Variants in NKAIN2 observed in about 807,000 individuals in gnomAD.
NKAIN2 encodes the protein sodium/potassium transporting ATPase interacting 2.
NKAIN2 carries 14 observed loss-of-function variants against 32.6 expected under a neutral mutation model. The ratio of observed to expected loss-of-function variants is 0.43; its 90% CI spans 0.28 to 0.67. NKAIN2 has a LOEUF of 0.67. Among genes scored for constraint, NKAIN2 ranks in the 30% least tolerant of loss-of-function variants. NKAIN2 has a pLI of 0.17. For missense variants in NKAIN2, 198 were observed against 258.3 expected (o/e 0.77, Z 1.60); for synonymous variants, 80 against 87.2 (o/e 0.92, Z 0.46).
intron 3 of NKAIN2, among the ~76,000 whole-genome samples, chr6:124,565,147 G>C (rs1055753859): frequency 6.6e-6 from 1 of 152,124 alleles, no homozygotes; most frequent in Non-Finnish European, 1.5e-5. Flanking sequence ...CAGGGCAATA[G>C]AGGTATCATA....
intron 4 of NKAIN2, among the ~76,000 whole-genome samples, chr6:124,759,588 A>AACACACACACACAC (rs542448143): frequency 9.5e-5 from 8 of 84,492 alleles, no homozygotes; most frequent in African/African-American, 3.7e-4. Context: ...CTGAAATTGC[A>AACACACACACACAC]ACACACACAC....
chr6:123,981,792 C>T (rs1778910298), intron 1 of NKAIN2, among the ~76,000 whole-genome samples: 1 of 152,046 alleles, frequency 6.6e-6, no homozygotes. Flanking sequence ...CCATGATTTT[C>T]TTGAGATGTG....
At chr6:124,335,002 A>G (rs1245828537) in intron 2 of NKAIN2, among the ~76,000 whole-genome samples, 2 of 152,182 alleles carry the variant, frequency 1.3e-5, no homozygotes, top group Non-Finnish European at 2.9e-5. Flanking sequence ...GTTTCACTGA[A>G]AATTCACTAG....
intron 1 of NKAIN2, among the ~76,000 whole-genome samples, chr6:123,974,609 T>A (rs1294239127): frequency 6.6e-6 from 1 of 152,148 alleles, no homozygotes; most frequent in African/African-American, 2.4e-5. Context: ...TTGAGTGTTC[T>A]GCTTGTGCGG....
intron 3 of NKAIN2, among the ~76,000 whole-genome samples, chr6:124,547,437 T>G (rs1270224983): frequency 6.6e-6 from 1 of 152,218 alleles, no homozygotes; most frequent in Non-Finnish European, 1.5e-5. Context: ...TGTAACATTT[T>G]AAATATGTAA....
intron 3 of NKAIN2, among the ~76,000 whole-genome samples, chr6:124,545,835 GAC>G (rs771567602): frequency 6.6e-6 from 1 of 151,966 alleles, no homozygotes; most frequent in Non-Finnish European, 1.5e-5. Flanking sequence ...AAAATGAAAT[GAC>G]ACAAACATTA....
chr6:123,927,145 G>A (rs1000391671), intron 1 of NKAIN2, among the ~76,000 whole-genome samples: 2 of 152,172 alleles, frequency 1.3e-5, no homozygotes, highest in African/African-American at 4.8e-5. Flanking sequence ...CCATGGAGAA[G>A]ATGACAGTGG....
At chr6:124,073,869 G>T (rs1197853142) in intron 1 of NKAIN2, among the ~76,000 whole-genome samples, 1 of 152,048 alleles carries the variant, frequency 6.6e-6, no homozygotes, top group Non-Finnish European at 1.5e-5. Context: ...ACAATTGGGG[G>T]TTCTTAGTTT....
At chr6:124,754,708 T>C (rs951359801) in intron 4 of NKAIN2, among the ~76,000 whole-genome samples, 1 of 152,180 alleles carries the variant, frequency 6.6e-6, no homozygotes, top group African/African-American at 2.4e-5. Flanking sequence ...AATTCAATCA[T>C]TGTGGAAGAC....
chr6:123,977,225 C>G lies in NKAIN2; in HGVS notation c.54+172971C>G, dbSNP rs78869521. On this transcript the variant is annotated intron_variant, in intron 1 of 6. Coordinates refer to ENST00000368417, the MANE Select transcript of NKAIN2 (RefSeq NM_001040214.3). ...TCCTTAACATTAACAGTAATATTGA[C>G]TTTAAATCAGTATACTAAGCTCTCT... Among the ~76,000 whole-genome samples, 976 of 152,230 alleles carry G rather than the reference C, an allele frequency of 6.4e-3. 16 individuals are homozygous for G. The highest frequency in any genetic ancestry group is 0.022 in the African/African-American group (926 of 41,552).
intron 1 of NKAIN2, among the ~76,000 whole-genome samples, chr6:124,232,754 A>G (rs945233966): frequency 1.5e-3 from 51 of 33,168 alleles, no homozygotes; most frequent in Non-Finnish European, 7.1e-3. Flanking sequence ...TTTTTGAGGA[A>G]AAAAAAAATG....
intron 3 of NKAIN2, among the ~76,000 whole-genome samples, chr6:124,431,051 A>G (rs1401094755): frequency 6.6e-6 from 1 of 152,172 alleles, no homozygotes; most frequent in Non-Finnish European, 1.5e-5. Flanking sequence ...TTAGAATGAG[A>G]TAACTTCTTC....
chr6:124,745,271 C>T (rs913930027), intron 4 of NKAIN2, among the ~76,000 whole-genome samples: 2 of 151,750 alleles, frequency 1.3e-5, no homozygotes, highest in Non-Finnish European at 2.9e-5. Context: ...TACAAAAAGG[C>T]TTTAAAAATG....
chr6:124,013,744 A>T (rs2114741638), intron 1 of NKAIN2, among the ~76,000 whole-genome samples: 1 of 152,310 alleles, frequency 6.6e-6, no homozygotes, highest in East Asian at 1.9e-4. Flanking sequence ...GTTTAATCAC[A>T]CGTGTCTGTA....
chr6:124,513,933 G>A (rs1227729368), intron 3 of NKAIN2, among the ~76,000 whole-genome samples: 5 of 152,156 alleles, frequency 3.3e-5, no homozygotes, highest in Non-Finnish European at 5.9e-5. Flanking sequence ...GTTCTGCAAT[G>A]TGGGACTTTG....
chr6:124,243,726 A>C (rs1793234174), intron 1 of NKAIN2, among the ~76,000 whole-genome samples: 1 of 152,062 alleles, frequency 6.6e-6, no homozygotes, highest in Non-Finnish European at 1.5e-5. Context: ...TCTGCTACCA[A>C]ACATCAGAAT....
At chr6:124,788,677 C>G (rs1229758754) in intron 4 of NKAIN2, among the ~76,000 whole-genome samples, 1 of 151,954 alleles carries the variant, frequency 6.6e-6, no homozygotes, top group Non-Finnish European at 1.5e-5. Context: ...GTAACTGCTC[C>G]CATGATTCGA....
intron 1 of NKAIN2, among the ~76,000 whole-genome samples, chr6:124,045,607 G>A (rs1425198710): frequency 6.6e-6 from 1 of 151,928 alleles, no homozygotes; most frequent in East Asian, 1.9e-4. Context: ...TCATCAAATA[G>A]CAAACAAGGT....
intron 3 of NKAIN2, among the ~76,000 whole-genome samples, chr6:124,418,025 T>A (rs924386217): frequency 2.6e-5 from 4 of 152,202 alleles, no homozygotes; most frequent in Non-Finnish European, 5.9e-5. Context: ...TGCTTGCTTA[T>A]TATGACCCAG....
Sources: allele counts gnomAD v4.1 joint callset (sites outside exome capture counted in the v4.1 genomes callset), GRCh38; gene constraint gnomAD v4.1.1; transcripts MANE v1.5; gene names NCBI Gene and HGNC (gene_info 2026-07-23, HGNC 2026-07-21).